The following CRACD variants were observed in gnomAD, a reference collection of about 807,000 sequenced individuals.
CRACD encodes capping protein-inhibiting regulator of actin dynamics.
In CRACD, 56 loss-of-function variants were observed where a neutral mutation model predicts 106.8. That is an observed-to-expected ratio of 0.52 (90% CI 0.42 to 0.66). The LOEUF (loss-of-function observed/expected upper bound fraction) is 0.66. Among genes scored for constraint, CRACD ranks in the 30% least tolerant of loss-of-function variants. The pLI, the probability that CRACD is intolerant of heterozygous loss-of-function variation, is 0.00. For missense variants in CRACD, 1,730 were observed against 1,623.2 expected, an observed-to-expected ratio of 1.07 and a Z score of -1.13; for synonymous variants, 754 against 670.8, an observed-to-expected ratio of 1.12 and a Z score of -1.92.
At chr4:56,288,163 T>C (rs1743478227) in intron 3 of CRACD, among the ~76,000 whole-genome samples, 1 of 152,208 alleles carries the variant, frequency 6.6e-6, no homozygotes. Context: ...TTTCCTCTTC[T>C]TCTCCTTTTT....
At chr4:56,266,900 C>A (rs1397159110) in intron 2 of CRACD, among the ~76,000 whole-genome samples, 1 of 152,122 alleles carries the variant, frequency 6.6e-6, no homozygotes, top group African/African-American at 2.4e-5. Flanking sequence ...CATGAGAGAT[C>A]TTATATTTGA....
chr4:56,089,949 G>A (rs1316054085), intron 1 of CRACD, among the ~76,000 whole-genome samples: 1 of 152,022 alleles, frequency 6.6e-6, no homozygotes, highest in East Asian at 1.9e-4. Flanking sequence ...TTAATGAGGA[G>A]TATTACATTG....
At chr4:56,097,909 T>C (rs1003330973) in intron 1 of CRACD, among the ~76,000 whole-genome samples, 2 of 152,130 alleles carry the variant, frequency 1.3e-5, no homozygotes, top group African/African-American at 4.8e-5. Context: ...CTTTGGTGTA[T>C]CCCTCTCCTG....
intron 1 of CRACD, among the ~76,000 whole-genome samples, chr4:56,169,057 A>G (rs1457518660): frequency 6.6e-6 from 1 of 152,196 alleles, no homozygotes. Flanking sequence ...GGCATTCCTG[A>G]AGTGGGTAAG....
At chr4:56,233,441 A>G (rs1739766365) in intron 2 of CRACD, among the ~76,000 whole-genome samples, 1 of 152,122 alleles carries the variant, frequency 6.6e-6, no homozygotes, top group Non-Finnish European at 1.5e-5. Flanking sequence ...CATTTGTTGA[A>G]AAGTCTAACA....
At chr4:56,119,300 G>A (rs1167885789) in intron 1 of CRACD, among the ~76,000 whole-genome samples, 3 of 151,998 alleles carry the variant, frequency 2.0e-5, no homozygotes, top group African/African-American at 2.4e-5. Flanking sequence ...ATGTTACAAA[G>A]TGATATGTAA....
intron 1 of CRACD, among the ~76,000 whole-genome samples, chr4:56,092,372 C>T (rs1733450830): frequency 6.6e-6 from 1 of 152,184 alleles, no homozygotes; most frequent in African/African-American, 2.4e-5. Context: ...GAGACCTGTG[C>T]TGTCCCAGTA....
At chr4:56,097,520 T>C (rs991397317) in intron 1 of CRACD, 1 of 152,584 alleles carries the variant, frequency 6.6e-6, no homozygotes, top group African/African-American at 2.4e-5. Context: ...TTTCTAGCCA[T>C]GTTCAAAAGC....
rs556065603 is a variant in CRACD, at chr4:56,147,579, A to G, written c.-335-31705A>G. On this transcript the variant is annotated intron_variant, in intron 1 of 10. Coordinates refer to ENST00000682029, the MANE Select transcript of CRACD (RefSeq NM_001393381.1). Reference sequence around the variant, plus strand: ...ACTTAGCATAATGTTTTCAAGGTTTATCAGTGTTGTAGCATGAGTATTTGT... The same window carrying G: ...ACTTAGCATAATGTTTTCAAGGTTTGTCAGTGTTGTAGCATGAGTATTTGT... Among the ~76,000 whole-genome samples, 11 of 152,310 alleles carry G rather than the reference A, an allele frequency of 7.2e-5. No homozygotes were observed. In the South Asian group the frequency reaches 2.3e-3, roughly 32 times the overall value.
intron 3 of CRACD, among the ~76,000 whole-genome samples, chr4:56,290,872 A>G (rs1743666531): frequency 6.6e-6 from 1 of 152,162 alleles, no homozygotes; most frequent in African/African-American, 2.4e-5. Context: ...TAGGCTTATG[A>G]AAACTGTGAA....
intron 2 of CRACD, among the ~76,000 whole-genome samples, chr4:56,201,422 G>A (rs1046790299): frequency 6.6e-6 from 1 of 152,124 alleles, no homozygotes; most frequent in African/African-American, 2.4e-5. Flanking sequence ...TGATAAAACT[G>A]GCATGTCTTT....
At chr4:56,237,540 C>G (rs1740048984) in intron 2 of CRACD, among the ~76,000 whole-genome samples, 1 of 151,966 alleles carries the variant, frequency 6.6e-6, no homozygotes, top group African/African-American at 2.4e-5. Context: ...TTTTTGACTA[C>G]CTATTATTGA....
At chr4:56,233,225 C>T (rs975885285) in intron 2 of CRACD, among the ~76,000 whole-genome samples, 3 of 152,028 alleles carry the variant, frequency 2.0e-5, no homozygotes, top group African/African-American at 7.2e-5. Context: ...AAGTCTATAA[C>T]TTATAATTTC....
At position 56,315,968 on chromosome 4, in the gene CRACD, C is replaced by G. The variant is rs200636394; in HGVS notation, c.2466C>G (p.Ser822Arg). The change falls in exon 8 of 11, where the codon AGC becomes AGG. Residue 822 changes from serine (S) to arginine (R), a missense_variant. Coordinates refer to ENST00000682029, the MANE Select transcript of CRACD (RefSeq NM_001393381.1). The surrounding 1 kb of genome is among the most constrained non-coding windows in gnomAD (Gnocchi z 4.1). ...AHTEFTTSSD[S>R]ETANGIAKPD... The stretch of plus-strand genomic sequence containing the variant: ...CAGAGTTCACGACCTCGTCGGACAG[C>G]GAGACTGCAAACGGGATAGCAAAGC... 1 of 1,614,188 alleles carries G rather than the reference C, an allele frequency of 6.2e-7. No homozygotes were observed.
intron 2 of CRACD, among the ~76,000 whole-genome samples, chr4:56,189,863 C>T (rs1214162573): frequency 3.4e-5 from 5 of 148,870 alleles, no homozygotes; most frequent in Admixed American, 2.0e-4. Flanking sequence ...TACATGTGCA[C>T]AATGTGCAGG....
chr4:56,242,545 C>T (rs533707762), intron 2 of CRACD, among the ~76,000 whole-genome samples: 150 of 152,096 alleles, frequency 9.9e-4, no homozygotes, highest in Non-Finnish European at 1.8e-3. Context: ...GCAGGAATGG[C>T]GAGAAAGTGG....
intron 1 of CRACD, among the ~76,000 whole-genome samples, chr4:56,100,356 G>A (rs1278514180): frequency 6.6e-6 from 1 of 152,162 alleles, no homozygotes; most frequent in Admixed American, 6.6e-5. Flanking sequence ...TTCATTCTGA[G>A]CAGCTCTATA....
At chr4:56,216,373 A>G (rs1738678304) in intron 2 of CRACD, 1 of 152,188 alleles carries the variant, frequency 6.6e-6, no homozygotes. Flanking sequence ...TGCTATAATT[A>G]TAACCCTTTT....
At chr4:56,100,761 A>G (rs903826446) in intron 1 of CRACD, among the ~76,000 whole-genome samples, 1 of 152,018 alleles carries the variant, frequency 6.6e-6, no homozygotes, top group Non-Finnish European at 1.5e-5. Context: ...GAAGAAACCA[A>G]CTCTGTTGGC....
Sources: allele counts gnomAD v4.1 joint callset (sites outside exome capture counted in the v4.1 genomes callset), GRCh38; gene constraint gnomAD v4.1.1; non-coding constraint Gnocchi (gnomAD v3.1); transcripts MANE v1.5; gene names NCBI Gene and HGNC (gene_info 2026-07-23, HGNC 2026-07-21).